Variants in WDR41 observed in about 807,000 individuals in gnomAD.
WDR41 encodes the protein WD repeat domain 41.
In WDR41, 63 loss-of-function variants were observed where a neutral mutation model predicts 69.3. The observed-to-expected ratio is 0.91, with a 90% CI of 0.74 to 1.12. The LOEUF (loss-of-function observed/expected upper bound fraction) is 1.12. Among genes scored for constraint, WDR41 ranks in the 50% most tolerant of loss-of-function variants. The probability of loss-of-function intolerance (pLI) is 0.00; values close to 1 mark genes in which losing one functional copy is unlikely to be tolerated. For synonymous variants in WDR41, 185 were observed against 192.1 expected (o/e 0.96, Z 0.31); for missense variants, 543 against 534.5 (o/e 1.02, Z -0.16).
intron 1 of WDR41, among the ~76,000 whole-genome samples, chr5:77,517,950 C>T (rs1467595524): frequency 3.3e-5 from 5 of 151,946 alleles, no homozygotes; most frequent in African/African-American, 1.2e-4. Context: ...ACACAGAGGG[C>T]CTTTCTTTTT....
At chr5:77,582,704 A>G in intron 1 of WDR41, 1 of 1,595,576 alleles carries the variant, frequency 6.3e-7, no homozygotes, top group South Asian at 1.1e-5. Context: ...AAGGTGTTGC[A>G]GCTTCTTCGC....
At chr5:77,611,215 T>C (rs559614992) in intron 1 of WDR41, among the ~76,000 whole-genome samples, 19 of 152,126 alleles carry the variant, frequency 1.2e-4, no homozygotes, top group Admixed American at 3.3e-4. Context: ...TGGGAGACTT[T>C]AACACCCCAC....
chr5:77,566,927 C>T (rs893987096), intron 1 of WDR41, among the ~76,000 whole-genome samples: 6 of 152,080 alleles, frequency 3.9e-5, no homozygotes, highest in Admixed American at 1.3e-4. Flanking sequence ...GAATGAGACA[C>T]TTCTATCAGT....
intron 1 of WDR41, among the ~76,000 whole-genome samples, chr5:77,562,664 T>C (rs1426786506): frequency 6.6e-6 from 1 of 152,172 alleles, no homozygotes; most frequent in Non-Finnish European, 1.5e-5. Flanking sequence ...AAATATAACA[T>C]CTTGGCCTAT....
intron 1 of WDR41, chr5:77,545,531 G>C (rs1743177640): frequency 4.1e-6 from 1 of 246,872 alleles, no homozygotes. Context: ...GCTTGCGGAG[G>C]CAAGTTGAGG....
chr5:77,592,205 A>C (rs541675051), intron 1 of WDR41, among the ~76,000 whole-genome samples: 3 of 152,126 alleles, frequency 2.0e-5, no homozygotes, highest in Admixed American at 2.0e-4. Flanking sequence ...TTTTATTTTC[A>C]GTCTTTCATG....
chr5:77,523,434 A>G (rs760890944), intron 1 of WDR41, among the ~76,000 whole-genome samples: 6 of 152,112 alleles, frequency 3.9e-5, no homozygotes, highest in Non-Finnish European at 7.4e-5. Flanking sequence ...AATTATTTCT[A>G]TTTTACAAAC....
chr5:77,486,225 A>G (rs1417002668), intron 2 of WDR41, among the ~76,000 whole-genome samples: 1 of 152,208 alleles, frequency 6.6e-6, no homozygotes, highest in African/African-American at 2.4e-5. Context: ...TAAAAACAAC[A>G]TACAGACTGA....
chr5:77,488,549 G>A (rs1801622488), intron 2 of WDR41, among the ~76,000 whole-genome samples: 1 of 138,816 alleles, frequency 7.2e-6, no homozygotes, highest in Non-Finnish European at 1.7e-5. Context: ...CATCCATGGA[G>A]TGAAAAAAAA....
chr5:77,610,740 G>A (rs1442884830), intron 1 of WDR41, among the ~76,000 whole-genome samples: 3 of 152,138 alleles, frequency 2.0e-5, no homozygotes, highest in Non-Finnish European at 2.9e-5. Flanking sequence ...GGAAGAAACT[G>A]CATCAACTAA....
At chr5:77,463,472 A>AT (rs59968742) in intron 3 of WDR41, among the ~76,000 whole-genome samples, 2 of 152,082 alleles carry the variant, frequency 1.3e-5, no homozygotes, top group African/African-American at 2.4e-5. Flanking sequence ...AATTTTGAGT[A>AT]TTTTTTTCTA....
chr5:77,595,313 C>G (rs1426115884), intron 1 of WDR41, among the ~76,000 whole-genome samples: 1 of 151,996 alleles, frequency 6.6e-6, no homozygotes, highest in Non-Finnish European at 1.5e-5. Context: ...GGAGAGTTGC[C>G]TCAATATTTT....
intron 1 of WDR41, among the ~76,000 whole-genome samples, chr5:77,508,810 C>T (rs10474514): frequency 0.55 from 82,629 of 151,538 alleles, 23,920 homozygotes; most frequent in African/African-American, 0.73. Flanking sequence ...CCCCCCACAG[C>T]GTGAAGCTTC....
At chr5:77,606,905 G>GAAAAAAAAAAAAAAAA (rs1195622632) in intron 1 of WDR41, among the ~76,000 whole-genome samples, 1 of 85,648 alleles carries the variant, frequency 1.2e-5, no homozygotes, top group Non-Finnish European at 2.6e-5. Flanking sequence ...CAATGAAAAA[G>GAAAAAAAAAAAAAAAA]AAAAAAAAAA....
intron 1 of WDR41, among the ~76,000 whole-genome samples, chr5:77,554,606 A>G (rs1469581230): frequency 6.7e-6 from 1 of 149,516 alleles, no homozygotes; most frequent in Non-Finnish European, 1.5e-5. Flanking sequence ...TTATTATTAT[A>G]TAATATAAAT....
intron 1 of WDR41, among the ~76,000 whole-genome samples, chr5:77,529,025 A>T (rs1201758478): frequency 1.3e-5 from 2 of 151,572 alleles, no homozygotes; most frequent in African/African-American, 4.8e-5. Flanking sequence ...TGAACTTTGT[A>T]CTGTACCAGT....
chr5:77,604,622 G>C (rs1451570872), intron 1 of WDR41, among the ~76,000 whole-genome samples: 1 of 152,150 alleles, frequency 6.6e-6, no homozygotes, highest in Non-Finnish European at 1.5e-5. Context: ...AAAAGTCTTT[G>C]ATCTAGCAAC....
intron 1 of WDR41, among the ~76,000 whole-genome samples, chr5:77,556,501 G>A (rs1743403610): frequency 6.6e-6 from 1 of 151,950 alleles, no homozygotes; most frequent in African/African-American, 2.4e-5. Flanking sequence ...TCTGCCTCCT[G>A]GGTTCAAGCA....
chr5:77,489,936 GT>G (rs1166799592), intron 1 of WDR41, among the ~76,000 whole-genome samples: 1 of 152,136 alleles, frequency 6.6e-6, no homozygotes, highest in Non-Finnish European at 1.5e-5. Context: ...ATGTTTCTCA[GT>G]TAAAATGTGG....
Sources: allele counts gnomAD v4.1 joint callset (sites outside exome capture counted in the v4.1 genomes callset), GRCh38; gene constraint gnomAD v4.1.1; transcripts MANE v1.5; gene names NCBI Gene and HGNC (gene_info 2026-07-23, HGNC 2026-07-21).